Variants in TLE1 observed in about 807,000 individuals in gnomAD.
TLE1 encodes transducin-like enhancer protein 1.
In TLE1, 21 loss-of-function variants were observed where a neutral mutation model predicts 89.8. That is an observed-to-expected ratio of 0.23 (90% CI 0.17 to 0.34). The LOEUF is 0.34. TLE1 is among the 10% of genes least tolerant of loss of function. TLE1 has a pLI of 1.00. For missense variants in TLE1, 795 were observed against 1,031.2 expected, an observed-to-expected ratio of 0.77 and a Z score of 3.14; for synonymous variants, 447 against 407.6, an observed-to-expected ratio of 1.10 and a Z score of -1.16.
chr9:81,624,765 T>C (rs989070678), intron 8 of TLE1, among the ~76,000 whole-genome samples: 2 of 152,162 alleles, frequency 1.3e-5, no homozygotes, highest in South Asian at 4.1e-4. Flanking sequence ...TATGTAAGTT[T>C]TCATTTAAAA....
Position 81,688,407 on chromosome 9 carries a change from A to T in TLE1, c.-167T>A, listed in dbSNP as rs1267343047. On this transcript the variant is annotated 5_prime_UTR_variant, in exon 1 of 20. Coordinates refer to ENST00000376499, the MANE Select transcript of TLE1 (RefSeq NM_005077.5). ...GGCGCACCGGCCACTCGGCGCCCGC[A>T]GCTGCTCCGGCTCCCGCTCCCGTCG... 2.3e-5 allele frequency: 16 copies of T among 696,624 alleles called. No individual in the cohort carries two copies. The highest frequency in any genetic ancestry group is 3.3e-5 in the Non-Finnish European group (15 of 458,946). The allele number at this position is 696,624 out of a possible 1,614,324, so 43.2% of individuals were successfully genotyped here.
At chr9:81,603,527 C>T (rs1275902183) in intron 14 of TLE1, among the ~76,000 whole-genome samples, 4 of 152,130 alleles carry the variant, frequency 2.6e-5, no homozygotes, top group Non-Finnish European at 4.4e-5. Context: ...GCCTTATCAC[C>T]AGAGTCTGGG....
intron 6 of TLE1, among the ~76,000 whole-genome samples, chr9:81,637,052 T>C (rs78633358): frequency 2.0e-5 from 3 of 149,520 alleles, no homozygotes; most frequent in African/African-American, 7.4e-5. Context: ...CTCCCATAAA[T>C]CCAAGCTAGC....
At chr9:81,628,785 C>T (rs969623184) in intron 8 of TLE1, among the ~76,000 whole-genome samples, 1 of 152,198 alleles carries the variant, frequency 6.6e-6, no homozygotes, top group East Asian at 1.9e-4. Context: ...CCGGATGCAC[C>T]CAGCCTCCTT....
intron 6 of TLE1, among the ~76,000 whole-genome samples, chr9:81,640,356 T>C (rs1416797167): frequency 6.6e-6 from 1 of 151,374 alleles, no homozygotes; most frequent in Non-Finnish European, 1.5e-5. Context: ...AAAATGAACA[T>C]CTGCTTTCTT....
chr9:81,591,772 T>C (rs944207468), intron 15 of TLE1, among the ~76,000 whole-genome samples: 1 of 152,230 alleles, frequency 6.6e-6, no homozygotes, highest in African/African-American at 2.4e-5. Flanking sequence ...TTGGGCCATA[T>C]TTAAATAAGA....
At chr9:81,663,234 C>T (rs1831041331) in intron 4 of TLE1, among the ~76,000 whole-genome samples, 1 of 152,196 alleles carries the variant, frequency 6.6e-6, no homozygotes, top group Non-Finnish European at 1.5e-5. Context: ...GGTGCTGAGA[C>T]ACAACAATGC....
At chr9:81,623,108 T>C (rs1464950502) in intron 8 of TLE1, among the ~76,000 whole-genome samples, 1 of 152,202 alleles carries the variant, frequency 6.6e-6, no homozygotes, top group Admixed American at 6.5e-5. Flanking sequence ...TTCTGGTTTT[T>C]AAACTACTGC....
intron 4 of TLE1, among the ~76,000 whole-genome samples, chr9:81,685,056 TA>T (rs1170558256): frequency 6.6e-6 from 1 of 152,188 alleles, no homozygotes; most frequent in East Asian, 1.9e-4. Flanking sequence ...TTTCATGCTT[TA>T]AAAACCACTA....
At chr9:81,677,597 G>GCT (rs1833065696) in intron 4 of TLE1, among the ~76,000 whole-genome samples, 1 of 148,882 alleles carries the variant, frequency 6.7e-6, no homozygotes, top group Non-Finnish European at 1.5e-5. Flanking sequence ...AAACAACTCA[G>GCT]GTAAACGCAC....
chr9:81,635,175 C>T (rs912898009), intron 6 of TLE1, among the ~76,000 whole-genome samples: 9 of 152,108 alleles, frequency 5.9e-5, no homozygotes, highest in African/African-American at 2.2e-4. Flanking sequence ...GGCTTGTGGC[C>T]GCTGGAAGAA....
At chr9:81,617,200 T>A (rs544438847) in intron 9 of TLE1, among the ~76,000 whole-genome samples, 1 of 149,220 alleles carries the variant, frequency 6.7e-6, no homozygotes, top group Non-Finnish European at 1.5e-5. Context: ...CAAAACCCAA[T>A]CTTTTTCTCT....
intron 15 of TLE1, 99 bp downstream of exon 15, chr9:81,592,926 T>C: frequency 1.4e-6 from 2 of 1,474,672 alleles, no homozygotes; most frequent in Non-Finnish European, 1.8e-6. Context: ...GGGGCTTCTA[T>C]TTCCTCATAA....
At chr9:81,629,862 G>A (rs1269886632) in intron 8 of TLE1, among the ~76,000 whole-genome samples, 3 of 152,146 alleles carry the variant, frequency 2.0e-5, no homozygotes, top group African/African-American at 7.2e-5. Context: ...CACTGTTGAT[G>A]GAAGTGTTGT....
chr9:81,684,344 G>T (rs1420079471), intron 4 of TLE1, among the ~76,000 whole-genome samples: 1 of 151,912 alleles, frequency 6.6e-6, no homozygotes, highest in African/African-American at 2.4e-5. Flanking sequence ...TACCAACTTT[G>T]TAAATCATAG....
In TLE1 at chr9:81,585,676, T is replaced by A. The variant is rs753837577; in HGVS notation, c.1978-21A>T. The A allele has an allele frequency of 1.9e-6, 3 of 1,612,444 alleles. No homozygotes were observed. The South Asian group carries it at 3.3e-5, about 18-fold the overall frequency. ...AAGATCTACAAGGAGCAAGACAGGCTCACTCATTATTCCGCCTGATACACT... is the reference window on the plus strand; with the variant it reads ...AAGATCTACAAGGAGCAAGACAGGCACACTCATTATTCCGCCTGATACACT... On this transcript the variant is annotated intron_variant, in intron 17 of 19. Coordinates refer to ENST00000376499, the MANE Select transcript of TLE1 (RefSeq NM_005077.5).
intron 16 of TLE1, among the ~76,000 whole-genome samples, chr9:81,588,075 A>G (rs1024505136): frequency 6.6e-6 from 1 of 152,168 alleles, no homozygotes; most frequent in African/African-American, 2.4e-5. Flanking sequence ...ATGCCACTGC[A>G]GGTCACTACC....
rs928475861 is a variant in TLE1, at chr9:81,688,998, G to C, written c.-758C>G. The C allele has an allele frequency of 5.3e-5, 8 of 151,654 alleles. No homozygotes were observed. Among genetic ancestry groups the C allele is most frequent in the Admixed American group, 4.6e-4 (7 of 15,242 alleles). 9.4% of individuals were successfully genotyped at this position (151,654 alleles called of 1,614,324 possible). ...GCGGTTGCACAAACCCTCCGGGCCCGACGGGGCTACTCCACCGAGAGCAGT... is the reference window on the plus strand; with the variant it reads ...GCGGTTGCACAAACCCTCCGGGCCCCACGGGGCTACTCCACCGAGAGCAGT... On this transcript the variant is annotated 5_prime_UTR_variant, in exon 1 of 20. Coordinates refer to ENST00000376499, the MANE Select transcript of TLE1 (RefSeq NM_005077.5).
At chr9:81,656,586 C>A (rs941020195) in intron 4 of TLE1, among the ~76,000 whole-genome samples, 1 of 152,172 alleles carries the variant, frequency 6.6e-6, no homozygotes, top group African/African-American at 2.4e-5. Flanking sequence ...TACCATCATT[C>A]CAGGTTCTCA....
Sources: allele counts gnomAD v4.1 joint callset (sites outside exome capture counted in the v4.1 genomes callset), GRCh38; gene constraint gnomAD v4.1.1; transcripts MANE v1.5; gene names NCBI Gene and HGNC (gene_info 2026-07-23, HGNC 2026-07-21).